Variants in ARHGAP42 observed in about 807,000 individuals in gnomAD.
ARHGAP42 encodes Rho GTPase activating protein 42, also known as rho GTPase-activating protein 42.
ARHGAP42 carries 63 observed loss-of-function variants against 125.0 expected under a neutral mutation model. That is an observed-to-expected ratio of 0.50 (90% CI 0.41 to 0.62). The LOEUF (loss-of-function observed/expected upper bound fraction) is 0.62. ARHGAP42 is among the 20% of genes least tolerant of loss of function. ARHGAP42 has a pLI of 0.00. For missense variants in ARHGAP42, 766 were observed against 1,024.2 expected, an observed-to-expected ratio of 0.75 and a Z score of 3.44; for synonymous variants, 339 against 351.0, an observed-to-expected ratio of 0.97 and a Z score of 0.38.
intron 3 of ARHGAP42, among the ~76,000 whole-genome samples, chr11:100,857,083 G>A (rs1012958273): frequency 2.0e-5 from 3 of 151,904 alleles, no homozygotes; most frequent in Non-Finnish European, 4.4e-5. Flanking sequence ...AGTATTTGAC[G>A]CATTAGAAAC....
At chr11:100,706,012 G>A (rs1183520037) in intron 1 of ARHGAP42, among the ~76,000 whole-genome samples, 2 of 116,454 alleles carry the variant, frequency 1.7e-5, no homozygotes, top group African/African-American at 3.4e-5. Context: ...ATGGAGTCTT[G>A]CTCTGTCACC....
intron 2 of ARHGAP42, 125 bp from the exon 3 acceptor site, chr11:100,794,980 T>C: frequency 1.6e-6 from 1 of 612,218 alleles, no homozygotes; most frequent in South Asian, 2.9e-5. Context: ...ATATTCAAAT[T>C]AATAGTATAC....
intron 3 of ARHGAP42, among the ~76,000 whole-genome samples, chr11:100,847,797 G>A (rs1458135970): frequency 1.3e-5 from 2 of 152,152 alleles, no homozygotes; most frequent in Non-Finnish European, 2.9e-5. Flanking sequence ...CCTGGGACCT[G>A]CATTGAGGGT....
At chr11:100,821,835 A>G (rs35473622) in intron 3 of ARHGAP42, among the ~76,000 whole-genome samples, 34,093 of 152,072 alleles carry the variant, frequency 0.22, 4,756 homozygotes, top group East Asian at 0.51. Flanking sequence ...GTGTTTGTGT[A>G]TTCATTCTTA....
rs1157146676 is a variant in ARHGAP42, at chr11:100,767,751, C to T, written c.155-2592C>T. Among the ~76,000 whole-genome samples, 7 of 152,116 alleles carry T rather than the reference C, an allele frequency of 4.6e-5. No individual in the cohort carries two copies. In the South Asian group the frequency reaches 1.5e-3, roughly 32 times the overall value. On this transcript the variant is annotated intron_variant, in intron 1 of 23. Coordinates refer to ENST00000298815, the MANE Select transcript of ARHGAP42 (RefSeq NM_152432.4). ...AGTCTCAACTCTGCTGTAGGAATTA[C>T]ATTTAGGGCTTCAAATCCAGCAGAA...
At chr11:100,988,026 G>C (rs1858730309) in intron 23 of ARHGAP42, among the ~76,000 whole-genome samples, 1 of 152,120 alleles carries the variant, frequency 6.6e-6, no homozygotes, top group Non-Finnish European at 1.5e-5. Flanking sequence ...TACTCTGGAG[G>C]CTGAGGCAGG....
intron 1 of ARHGAP42, among the ~76,000 whole-genome samples, chr11:100,729,568 CTAGT>C (rs1182327472): frequency 6.6e-6 from 1 of 152,068 alleles, no homozygotes; most frequent in Non-Finnish European, 1.5e-5. Flanking sequence ...TCTAGACTTG[CTAGT>C]TAGTTTATTA....
chr11:100,849,742 A>G (rs1370834625), intron 3 of ARHGAP42, among the ~76,000 whole-genome samples: 1 of 152,176 alleles, frequency 6.6e-6, no homozygotes, highest in Non-Finnish European at 1.5e-5. Flanking sequence ...AGTTTATAGT[A>G]AAGATATACT....
intron 1 of ARHGAP42, among the ~76,000 whole-genome samples, chr11:100,720,092 T>C (rs1434330443): frequency 1.3e-5 from 2 of 152,202 alleles, no homozygotes; most frequent in African/African-American, 4.8e-5. Flanking sequence ...GCTAGATAAT[T>C]AGGTTTTCCT....
Position 100,992,185 on chromosome 11 carries a change from G to A in ARHGAP42, c.*3384G>A. ...ATACCTTAAATCATGTATTCAGGAT[G>A]CCTTCTTTAGCATTTAGAACCCCAA... On this transcript the variant is annotated 3_prime_UTR_variant, in exon 24 of 24. Coordinates refer to ENST00000298815, the MANE Select transcript of ARHGAP42 (RefSeq NM_152432.4). The A allele has an allele frequency of 1.9e-6, 2 of 1,028,402 alleles. No individual in the cohort carries two copies. 63.7% of individuals were successfully genotyped at this position (1,028,402 alleles called of 1,614,324 possible).
intron 5 of ARHGAP42, among the ~76,000 whole-genome samples, chr11:100,921,227 ATATATATATATATATATATTTTTTTTTTT>A (rs1867245876): frequency 2.9e-5 from 2 of 70,066 alleles, no homozygotes; most frequent in African/African-American, 5.8e-5. Context: ...ATATATATAT[ATATATATATATATATATATTTTTTTTTTT>A]TTTTTTTTTT....
At chr11:100,939,477 T>G (rs184008939) in intron 8 of ARHGAP42, among the ~76,000 whole-genome samples, 1 of 152,260 alleles carries the variant, frequency 6.6e-6, no homozygotes, top group East Asian at 1.9e-4. Flanking sequence ...TCACATGCCC[T>G]ATTGATGAAA....
At chr11:100,857,233 A>C (rs1302774200) in intron 3 of ARHGAP42, among the ~76,000 whole-genome samples, 1 of 152,156 alleles carries the variant, frequency 6.6e-6, no homozygotes, top group Non-Finnish European at 1.5e-5. Flanking sequence ...AGAAGAAAAA[A>C]AAATTAAAGC....
At chr11:100,961,360 C>A (rs1857949434) in intron 14 of ARHGAP42, among the ~76,000 whole-genome samples, 1 of 152,004 alleles carries the variant, frequency 6.6e-6, no homozygotes, top group African/African-American at 2.4e-5. Context: ...AATAATGGTA[C>A]CTGCCTCTTA....
At chr11:100,705,695 CT>C (rs1861471640) in intron 1 of ARHGAP42, among the ~76,000 whole-genome samples, 1 of 152,132 alleles carries the variant, frequency 6.6e-6, no homozygotes, top group African/African-American at 2.4e-5. Flanking sequence ...TAAGCAATAT[CT>C]TTACCTTACC....
chr11:100,820,643 T>C (rs1248309490), intron 3 of ARHGAP42, among the ~76,000 whole-genome samples: 2 of 152,162 alleles, frequency 1.3e-5, no homozygotes, highest in East Asian at 3.9e-4. Context: ...TTTTAATCGC[T>C]CCATGCTCTA....
chr11:100,962,275 T>C (rs1857974742), intron 15 of ARHGAP42, 134 bp from the exon 16 acceptor site: 2 of 735,330 alleles, frequency 2.7e-6, no homozygotes, highest in Admixed American at 5.9e-5. Flanking sequence ...CCAATTCTTT[T>C]ATTTACTTAT....
chr11:100,935,545 T>C (rs1188171494), intron 7 of ARHGAP42, among the ~76,000 whole-genome samples: 1 of 152,190 alleles, frequency 6.6e-6, no homozygotes, highest in Non-Finnish European at 1.5e-5. Flanking sequence ...ATCTGTTTTT[T>C]ACCTTAGGTA....
rs184626606 is a variant in ARHGAP42, at chr11:100,863,139, G to A, written c.384+3514G>A. Among the ~76,000 whole-genome samples, 3 of 151,552 alleles carry A rather than the reference G, an allele frequency of 2.0e-5. No homozygotes were observed. In the East Asian group the frequency reaches 5.8e-4, roughly 29 times the overall value. ...ATATGTATAGATCAATTTTCTTTTG[G>A]CATTGTGAAATAAACATACTTGAAA... On this transcript the variant is annotated intron_variant, in intron 4 of 23. Transcript: ENST00000298815.
Sources: gnomAD v4.1 joint callset for allele counts (sites outside exome capture counted in the v4.1 genomes callset) on GRCh38, gnomAD v4.1.1 for gene constraint, MANE v1.5 for transcripts, NCBI Gene and HGNC (gene_info 2026-07-23, HGNC 2026-07-21) for gene names.